The following HMCN1 variants were observed in gnomAD, a reference collection of about 807,000 sequenced individuals.
HMCN1 encodes hemicentin 1, also known as hemicentin-1.
A neutral mutation model predicts 625.9 loss-of-function variants in HMCN1; 321 were observed. The observed-to-expected ratio is 0.51, with a 90% CI of 0.47 to 0.56. The LOEUF is 0.56. HMCN1 is among the 20% of genes least tolerant of loss of function. The pLI is 0.00. For synonymous variants in HMCN1, 2,425 were observed against 2,417.6 expected (o/e 1.00, Z -0.09); for missense variants, 6,588 against 6,887.3 (o/e 0.96, Z 1.54).
In HMCN1 at chr1:186,190,154, T is replaced by C. The variant is rs956661370; in HGVS notation, c.*276T>C. Reference sequence around the variant, plus strand: ...ATTATTCTGAACATCTAACAGGACATATCAGTGATGGTTTACAGTAGTGTA... The same window carrying C: ...ATTATTCTGAACATCTAACAGGACACATCAGTGATGGTTTACAGTAGTGTA... On this transcript the variant is annotated 3_prime_UTR_variant, in exon 107 of 107. Transcript: ENST00000271588. 2.6e-5 allele frequency: 13 copies of C among 491,216 alleles called. No homozygotes were observed. Among genetic ancestry groups the C allele is most frequent in the Admixed American group, 1.3e-4 (4 of 29,786 alleles). The allele number at this position is 491,216 out of a possible 1,614,324, so 30.4% of individuals were successfully genotyped here.
chr1:186,142,804 GAATA>G (rs936900583), intron 89 of HMCN1, among the ~76,000 whole-genome samples: 2 of 152,118 alleles, frequency 1.3e-5, no homozygotes, highest in African/African-American at 4.8e-5. Flanking sequence ...ACACAGAAAT[GAATA>G]AATGTTACCC....
At chr1:185,970,217 A>C (rs1050778294) in intron 14 of HMCN1, 118 bp from the exon 15 acceptor site, 2 of 914,736 alleles carry the variant, frequency 2.2e-6, no homozygotes, top group African/African-American at 3.3e-5. Context: ...TGTGCCAAAC[A>C]CTTGTGTTTA....
chr1:185,908,596 G>T (rs921574672), intron 4 of HMCN1, among the ~76,000 whole-genome samples: 1 of 151,770 alleles, frequency 6.6e-6, no homozygotes, highest in Admixed American at 6.6e-5. Context: ...AGTTTTTCTT[G>T]TTCACAATGA....
intron 33 of HMCN1, 136 bp from the exon 34 acceptor site, chr1:186,018,047 C>T: frequency 3.6e-6 from 3 of 835,610 alleles, no homozygotes; most frequent in South Asian, 1.6e-5. Flanking sequence ...TTTTGCTTCT[C>T]TTTTTCATTT....
At chr1:185,781,635 A>C (rs1267668276) in intron 1 of HMCN1, among the ~76,000 whole-genome samples, 1 of 152,250 alleles carries the variant, frequency 6.6e-6, no homozygotes, top group Non-Finnish European at 1.5e-5. Flanking sequence ...CAGGTTGTTC[A>C]GTTTCCATGT....
chr1:186,137,145 T>G lies in HMCN1; in HGVS notation c.13582+208T>G, dbSNP rs868088167. On this transcript the variant is annotated intron_variant, in intron 87 of 106. Coordinates refer to ENST00000271588, the MANE Select transcript of HMCN1 (RefSeq NM_031935.3). ...AAAATGCCAAGGTTTTAATTTAAAATCCCAAACTAGATTTTTGATTCACAA... is the reference window on the plus strand; with the variant it reads ...AAAATGCCAAGGTTTTAATTTAAAAGCCCAAACTAGATTTTTGATTCACAA... 2.0e-5 allele frequency among the ~76,000 whole-genome samples: 3 copies of G among 152,286 alleles called. No homozygotes were observed. In the South Asian group the frequency reaches 6.2e-4, roughly 32 times the overall value.
At chr1:186,016,824 G>A (rs970177138) in intron 32 of HMCN1, 139 bp from the exon 33 acceptor site, 5 of 687,148 alleles carry the variant, frequency 7.3e-6, no homozygotes, top group African/African-American at 7.1e-5. Flanking sequence ...TATTTACAAT[G>A]CATTTCAAGT....
chr1:185,931,742 C>T (rs1415682820), intron 10 of HMCN1, among the ~76,000 whole-genome samples: 1 of 152,060 alleles, frequency 6.6e-6, no homozygotes, highest in Admixed American at 6.6e-5. Context: ...TTTCTTCCTT[C>T]ATTAAGAAGT....
At chr1:185,913,304 A>G (rs1444686216) in intron 6 of HMCN1, among the ~76,000 whole-genome samples, 2 of 152,054 alleles carry the variant, frequency 1.3e-5, no homozygotes, top group Non-Finnish European at 1.5e-5. Flanking sequence ...CCTGGTATTT[A>G]TTGAGTGTAT....
intron 4 of HMCN1, among the ~76,000 whole-genome samples, chr1:185,906,753 TG>T (rs773124960): frequency 1.6e-4 from 24 of 151,812 alleles, no homozygotes; most frequent in Middle Eastern, 3.2e-3. Flanking sequence ...TGTTTTCTAA[TG>T]TTTTTTTTTC....
chr1:185,901,475 T>C (rs1195456938), intron 4 of HMCN1, among the ~76,000 whole-genome samples: 2 of 151,758 alleles, frequency 1.3e-5, no homozygotes, highest in African/African-American at 4.8e-5. Context: ...GTCCTATGCC[T>C]TTTTTGAGTT....
Position 186,119,819 on chromosome 1 carries a change from G to A in HMCN1, c.12031G>A (p.Ala4011Thr), listed in dbSNP as rs779799410. 3 of 1,614,082 alleles carry A rather than the reference G, an allele frequency of 1.9e-6. No homozygotes were observed. Among genetic ancestry groups the A allele is most frequent in the Non-Finnish European group, 2.5e-6 (3 of 1,179,966 alleles). The change falls in exon 79 of 107, where the codon GCA becomes ACA. Residue 4011 changes from alanine to threonine, a missense_variant. Ala to Thr is a moderately conservative substitution (Grantham distance 58, BLOSUM62 0). Coordinates refer to ENST00000271588, the MANE Select transcript of HMCN1 (RefSeq NM_031935.3). ...LNNPILLPCE[A>T]TGTPSPFITW... is the part of the protein sequence containing the mutation. ...CAATCCTATTTTATTACCATGTGAA[G>A]CAACAGGGACACCCAGTCCTTTCAT...
intron 1 of HMCN1, among the ~76,000 whole-genome samples, chr1:185,735,271 G>A (rs1003715894): frequency 1.3e-5 from 2 of 152,190 alleles, no homozygotes; most frequent in African/African-American, 4.8e-5. Flanking sequence ...AACTTGTACT[G>A]TGGTCCTCAA....
At chr1:186,120,255 C>A in intron 80 of HMCN1, 110 bp downstream of exon 80, 1 of 1,238,734 alleles carries the variant, frequency 8.1e-7, no homozygotes, top group Non-Finnish European at 1.1e-6. Context: ...TAGTTCTCGA[C>A]ATTCTTAGTT....
chr1:186,030,924 A>C (rs183160778), intron 36 of HMCN1, among the ~76,000 whole-genome samples: 79 of 151,984 alleles, frequency 5.2e-4, no homozygotes, highest in African/African-American at 1.9e-3. Context: ...TTTTGTTCTT[A>C]ATTAGCTCTC....
chr1:185,896,645 C>T (rs1040800761), intron 4 of HMCN1, among the ~76,000 whole-genome samples: 1 of 152,080 alleles, frequency 6.6e-6, no homozygotes, highest in African/African-American at 2.4e-5. Context: ...ATCCTTGGAA[C>T]GGATGCCTCA....
intron 15 of HMCN1, among the ~76,000 whole-genome samples, chr1:185,975,486 A>G (rs185349716): frequency 9.4e-4 from 143 of 152,194 alleles, no homozygotes; most frequent in African/African-American, 3.4e-3. Context: ...TATCCCGAGA[A>G]CAGCAAGGGG....
intron 95 of HMCN1, 52 bp from the exon 96 acceptor site, chr1:186,152,698 T>G: frequency 6.2e-7 from 1 of 1,611,386 alleles, no homozygotes; most frequent in African/African-American, 1.3e-5. Context: ...TGCTCTGTGC[T>G]TACAGAAACC....
chr1:185,767,175 T>C (rs1002355536), intron 1 of HMCN1, among the ~76,000 whole-genome samples: 6 of 152,138 alleles, frequency 3.9e-5, no homozygotes, highest in Non-Finnish European at 8.8e-5. Flanking sequence ...TCAGTTAATA[T>C]TTACATTCTA....
Sources: gnomAD v4.1 joint callset for allele counts (sites outside exome capture counted in the v4.1 genomes callset) on GRCh38, gnomAD v4.1.1 for gene constraint, MANE v1.5 for transcripts, NCBI Gene and HGNC (gene_info 2026-07-23, HGNC 2026-07-21) for gene names.